FGF13: variants seen among roughly 807,000 people sequenced by gnomAD.
FGF13 encodes the protein fibroblast growth factor homologous factor 2.
In FGF13, 2 loss-of-function variants were observed where a neutral mutation model predicts 19.5. The ratio of observed to expected loss-of-function variants is 0.10; its 90% CI spans 0.04 to 0.32. The LOEUF is 0.32. Ranked by LOEUF, FGF13 falls within the 10% of genes least tolerant of loss-of-function variation. The probability of loss-of-function intolerance (pLI) is 1.00; values close to 1 mark genes in which losing one functional copy is unlikely to be tolerated. For missense variants in FGF13, 113 were observed against 192.7 expected (o/e 0.59, Z 2.45); for synonymous variants, 72 against 76.9 (o/e 0.94, Z 0.33).
At chrX:139,145,950 C>T (rs1371953749) in intron 1 of FGF13, among the ~76,000 whole-genome samples, 1 of 111,677 alleles carries the variant, frequency 9.0e-6, no homozygotes. Context: ...TTTCCTTACA[C>T]CTTATACAAA....
At chrX:138,842,315 A>T (rs1314652765) in intron 3 of FGF13, among the ~76,000 whole-genome samples, 2 of 111,624 alleles carry the variant, frequency 1.8e-5, no homozygotes, top group African/African-American at 6.5e-5. Flanking sequence ...TCATTCAATG[A>T]CAGTGGAATT....
At chrX:138,953,889 A>C (rs2091827526) in intron 1 of FGF13, among the ~76,000 whole-genome samples, 1 of 111,147 alleles carries the variant, frequency 9.0e-6, no homozygotes, top group African/African-American at 3.3e-5. Context: ...CATGTGGTAA[A>C]AAAAAAATAA....
rs889253415 is a variant in FGF13, at chrX:138,702,195, AAATTAATT to A, written c.402+781_402+788del. Among the ~76,000 whole-genome samples the A allele has an allele frequency of 4.8e-5, 5 of 105,209 alleles. No individual in the cohort carries two copies. In the East Asian group the frequency reaches 1.2e-3, roughly 25 times the overall value. The allele number at this position is 105,209 out of a possible 115,157, so 91.4% of individuals were successfully genotyped here. A position where few individuals can be genotyped will look rare whatever the true frequency, so the allele number is the denominator to read the frequency against. ...TTCTATCTCAAATAAATAAATAAAT[AAATTAATT>A]AATTAATTAAGTTAAAATAAAAATT... On this transcript the variant is annotated intron_variant, in intron 3 of 4. Coordinates refer to ENST00000315930, the MANE Select transcript of FGF13 (RefSeq NM_004114.5).
chrX:138,853,002 C>A (rs1256171469), downstream of FGF13, among the ~76,000 whole-genome samples: 1 of 110,893 alleles, frequency 9.0e-6, no homozygotes, highest in South Asian at 3.8e-4. Flanking sequence ...CAAACCAAGG[C>A]CCCATGCTTT....
chrX:138,855,924 CA>C (rs1240620244), downstream of FGF13, among the ~76,000 whole-genome samples: 1 of 109,253 alleles, frequency 9.2e-6, no homozygotes, highest in Non-Finnish European at 1.9e-5. Context: ...TTAACGAAAC[CA>C]AATTTTGATT....
chrX:138,873,742 A>G (rs2091370653), intron 1 of FGF13, among the ~76,000 whole-genome samples: 1 of 111,167 alleles, frequency 9.0e-6, no homozygotes. Flanking sequence ...ACAAGCTTCA[A>G]AAATGTCAGC....
At chrX:138,732,199 C>T (rs1405455620) in intron 1 of FGF13, among the ~76,000 whole-genome samples, 1 of 111,767 alleles carries the variant, frequency 8.9e-6, no homozygotes, top group Non-Finnish European at 1.9e-5. Flanking sequence ...AAAAGTTAAA[C>T]TTATATCAAC....
In FGF13 at chrX:138,901,537, C is replaced by T. The variant is rs1011311695; in HGVS notation, c.-112-36887G>A. Among the ~76,000 whole-genome samples the T allele has an allele frequency of 4.5e-5, 5 of 111,566 alleles. No individual in the cohort carries two copies. In the East Asian group the frequency reaches 1.1e-3, roughly 25 times the overall value. ...ACTTGACAGGAGCTATTGATATGGT[C>T]GTCCCCAGGCACCTAGACTCTCTTG... On this transcript the variant is annotated intron_variant, in intron 1 of 2. Coordinates refer to the FGF13 transcript ENST00000421460.
intron 1 of FGF13, among the ~76,000 whole-genome samples, chrX:139,185,349 C>T (rs746143480): frequency 2.9e-4 from 32 of 111,963 alleles, no homozygotes; most frequent in African/African-American, 1.0e-3. Context: ...TCAGAAAACA[C>T]CTATACCCCA....
At chrX:138,645,458 C>A (rs1022308640) in intron 3 of FGF13, among the ~76,000 whole-genome samples, 1 of 111,891 alleles carries the variant, frequency 8.9e-6, no homozygotes, top group Non-Finnish European at 1.9e-5. Context: ...GCCTCTTCCA[C>A]TTCCAAGTTT....
rs780769418 is a variant in FGF13 at position 138,701,500 on chromosome X, T to G, written c.402+1484A>C. On this transcript the variant is annotated intron_variant, in intron 3 of 4. Coordinates refer to ENST00000315930, the MANE Select transcript of FGF13 (RefSeq NM_004114.5). ...TCATGAACTTTGCCATAAAATCACA[T>G]TTTTCATTTAGTAAAAAGAGCAAAC... Among the ~76,000 whole-genome samples the G allele has an allele frequency of 7.1e-5, 8 of 112,462 alleles. 1 individual carries two copies. The South Asian group carries it at 2.9e-3, about 41-fold the overall frequency.
chrX:138,954,758 T>G (rs945601973), intron 1 of FGF13, among the ~76,000 whole-genome samples: 1 of 111,854 alleles, frequency 8.9e-6, no homozygotes, highest in African/African-American at 3.2e-5. Context: ...TATTCTGTAT[T>G]ACATGCCTTG....
intron 3 of FGF13, among the ~76,000 whole-genome samples, chrX:138,815,154 C>T (rs1342754043): frequency 9.1e-6 from 1 of 110,356 alleles, no homozygotes; most frequent in Admixed American, 9.7e-5. Flanking sequence ...CTCATAGAAG[C>T]AGAGAGTAGA....
intron 3 of FGF13, among the ~76,000 whole-genome samples, chrX:138,790,040 A>AT (rs1440276240): frequency 0.085 from 69 of 811 alleles, 1 homozygote; most frequent in African/African-American, 0.16. Context: ...GCGAGACTCC[A>AT]TTCAAAAAAA....
chrX:138,954,251 T>C (rs981368444), intron 1 of FGF13, among the ~76,000 whole-genome samples: 2 of 111,679 alleles, frequency 1.8e-5, no homozygotes, highest in Non-Finnish European at 3.8e-5. Flanking sequence ...ACAAACGCTG[T>C]TCTTATTGCT....
chrX:139,198,669 T>C lies in FGF13; in HGVS notation c.-113+4747A>G, dbSNP rs188683668. Reference sequence around the variant, plus strand: ...TACAACTCAGATCCCTTAATAGTCCTTCATATATCCATTGTGCCCTAAGAA... The same window carrying C: ...TACAACTCAGATCCCTTAATAGTCCCTCATATATCCATTGTGCCCTAAGAA... On this transcript the variant is annotated intron_variant, in intron 1 of 2. Transcript: ENST00000421460. 4.0e-3 allele frequency among the ~76,000 whole-genome samples: 452 copies of C among 112,002 alleles called. 5 individuals are homozygous for C. The highest frequency in any genetic ancestry group is 9.3e-3 in the Middle Eastern group (2 of 214).
intron 3 of FGF13, among the ~76,000 whole-genome samples, chrX:138,758,165 A>G (rs777090081): frequency 1.8e-5 from 2 of 111,244 alleles, no homozygotes; most frequent in Admixed American, 9.5e-5. Flanking sequence ...TGTCCCTACT[A>G]CTACACTTCT....
intron 3 of FGF13, among the ~76,000 whole-genome samples, chrX:138,666,081 A>G (rs2089540601): frequency 9.0e-6 from 1 of 111,153 alleles, no homozygotes; most frequent in Admixed American, 9.6e-5. Flanking sequence ...ATTCCCTGGC[A>G]TTTACATTGT....
chrX:139,172,806 G>A (rs1287440170), intron 1 of FGF13, among the ~76,000 whole-genome samples: 1 of 111,729 alleles, frequency 9.0e-6, no homozygotes, highest in Non-Finnish European at 1.9e-5. Flanking sequence ...TAGAAAACTT[G>A]TAAATTTTAT....
Sources: gnomAD v4.1 joint callset for allele counts (sites outside exome capture counted in the v4.1 genomes callset) on GRCh38, gnomAD v4.1.1 for gene constraint, MANE v1.5 for transcripts, NCBI Gene and HGNC (gene_info 2026-07-23, HGNC 2026-07-21) for gene names.